The following UTS2B variants were observed in gnomAD, a reference collection of about 807,000 sequenced individuals.
UTS2B encodes urotensin-2B.
Under a neutral mutation model 19.2 loss-of-function variants are expected in UTS2B, and 21 were observed. The observed-to-expected ratio is 1.09, with a 90% CI of 0.78 to 1.58. The LOEUF (loss-of-function observed/expected upper bound fraction) is 1.58, where lower values mean the gene tolerates loss of function less well. Ranked by LOEUF, UTS2B falls within the 40% of genes most tolerant of loss-of-function variation. The pLI is 0.00. For synonymous variants in UTS2B, 57 were observed against 50.2 expected, an observed-to-expected ratio of 1.14 and a Z score of -0.58; for missense variants, 138 against 130.3, an observed-to-expected ratio of 1.06 and a Z score of -0.29.
Position 191,313,770 on chromosome 3 carries a change from G to A in UTS2B, c.-182+2266C>T, listed in dbSNP as rs565840089. 5.8e-5 allele frequency among the ~76,000 whole-genome samples: 7 copies of A among 121,212 alleles called. 1 individual carries two copies. Among genetic ancestry groups the A allele is most frequent in the East Asian group, 2.6e-4 (1 of 3,846 alleles). 79.5% of individuals were successfully genotyped at this position (121,212 alleles called of 152,430 possible). A position where few individuals can be genotyped will look rare whatever the true frequency, so the allele number is the denominator to read the frequency against. On this transcript the variant is annotated intron_variant, in intron 3 of 8. Transcript: ENST00000340524. ...TTTTGAGATGAGGTCTCACTCTGTCGCCCAGGCTAGAGTGCAGTGGCACCA... is the reference window on the plus strand; with the variant it reads ...TTTTGAGATGAGGTCTCACTCTGTCACCCAGGCTAGAGTGCAGTGGCACCA...
At chr3:191,283,411 T>C (rs924701880) in intron 4 of UTS2B, among the ~76,000 whole-genome samples, 2 of 152,194 alleles carry the variant, frequency 1.3e-5, no homozygotes, top group African/African-American at 4.8e-5. Context: ...TTTAGCCTTT[T>C]GGATCTTTTT....
intron 1 of UTS2B, 119 bp downstream of exon 1, chr3:191,330,295 A>AC: frequency 9.4e-6 from 1 of 106,294 alleles, no homozygotes; most frequent in Non-Finnish European, 1.8e-5. Context: ...CTTACAAACA[A>AC]AACACACACA....
intron 3 of UTS2B, among the ~76,000 whole-genome samples, chr3:191,305,207 T>C (rs1208001866): frequency 6.6e-6 from 1 of 152,166 alleles, no homozygotes; most frequent in Non-Finnish European, 1.5e-5. Context: ...CTGGGTCAAA[T>C]GGTATTTTGT....
At chr3:191,310,132 T>C (rs1429709908) in intron 3 of UTS2B, among the ~76,000 whole-genome samples, 1 of 152,000 alleles carries the variant, frequency 6.6e-6, no homozygotes, top group Non-Finnish European at 1.5e-5. Context: ...CTGGCTATTT[T>C]TTTTTGTATT....
chr3:191,274,950 AT>A (rs1553826211), intron 8 of UTS2B, among the ~76,000 whole-genome samples: 3 of 152,210 alleles, frequency 2.0e-5, no homozygotes, highest in Non-Finnish European at 4.4e-5. Context: ...GATTATTTCT[AT>A]TTGTGGTCTT....
chr3:191,278,437 G>A (rs186861594), intron 5 of UTS2B, among the ~76,000 whole-genome samples: 2 of 152,074 alleles, frequency 1.3e-5, no homozygotes, highest in Admixed American at 1.3e-4. Context: ...CTGAGTAGAA[G>A]AATTGGAGGT....
At chr3:191,285,656 C>G (rs1022443099) in intron 4 of UTS2B, among the ~76,000 whole-genome samples, 5 of 152,152 alleles carry the variant, frequency 3.3e-5, no homozygotes, top group African/African-American at 1.2e-4. Flanking sequence ...AATCTCAGCA[C>G]TTTGGGAGGC....
At chr3:191,293,969 G>A (rs297368) in intron 4 of UTS2B, among the ~76,000 whole-genome samples, 15,273 of 151,704 alleles carry the variant, frequency 0.1, 919 homozygotes, top group Admixed American at 0.13. Flanking sequence ...TTAGCCGGGC[G>A]TGGTGACACA....
In UTS2B at chr3:191,309,172, G is replaced by T. The variant is rs190778630; in HGVS notation, c.-181-4624C>A. 2.3e-3 allele frequency among the ~76,000 whole-genome samples: 350 copies of T among 151,278 alleles called. 1 individual carries two copies. The highest frequency in any genetic ancestry group is 0.021 in the Admixed American group (320 of 15,172). ...AGGGACTGGCTTTCTTGTTTTGTTT[G>T]TTTTTTTTTAAAACGGAGTCTCGCT... is the stretch of plus-strand genomic sequence containing the variant. On this transcript the variant is annotated intron_variant, in intron 3 of 8. Transcript: ENST00000340524.
Position 191,306,147 on chromosome 3 carries a change from C to T in UTS2B, c.-181-1599G>A, listed in dbSNP as rs79931541. Among the ~76,000 whole-genome samples, 621 of 152,192 alleles carry T rather than the reference C, an allele frequency of 4.1e-3. 4 individuals carry two copies. The highest frequency in any genetic ancestry group is 5.7e-3 in the Non-Finnish European group (386 of 68,002). On this transcript the variant is annotated intron_variant, in intron 3 of 8. Coordinates refer to ENST00000340524, the MANE Select transcript of UTS2B (RefSeq NM_198152.5). ...TTTGCTTAGGATTGCTGTGGCTATT[C>T]GGGCTCTTTTCTGCTTCCATGTGAA...
chr3:191,327,172 G>C (rs371683855), intron 2 of UTS2B, among the ~76,000 whole-genome samples: 127 of 152,226 alleles, frequency 8.3e-4, no homozygotes, highest in African/African-American at 2.9e-3. Flanking sequence ...GTAATGAAGA[G>C]ACAATTTCAG....
intron 5 of UTS2B, 39 bp downstream of exon 5, chr3:191,282,048 C>A: frequency 7.2e-7 from 1 of 1,389,932 alleles, no homozygotes; most frequent in Admixed American, 1.9e-5. Context: ...AGAAGAATTA[C>A]TTACCCACCT....
intron 2 of UTS2B, among the ~76,000 whole-genome samples, chr3:191,323,323 C>T (rs1717659763): frequency 6.6e-6 from 1 of 152,034 alleles, no homozygotes; most frequent in Admixed American, 6.5e-5. Context: ...GCATGGACAC[C>T]ATGCCCAGCT....
At chr3:191,321,664 C>A (rs1362523754) in intron 2 of UTS2B, among the ~76,000 whole-genome samples, 3 of 152,152 alleles carry the variant, frequency 2.0e-5, no homozygotes, top group Non-Finnish European at 2.9e-5. Context: ...TTTATGACTT[C>A]TTTGTATCTA....
chr3:191,343,383 ATATCTC>A, the UTS2B span, among the ~76,000 whole-genome samples: 77 of 152,370 alleles, frequency 5.1e-4, no homozygotes, highest in African/African-American at 1.8e-3. Context: ...TATTCACTGA[ATATCTC>A]AAAGAGCCAG....
At chr3:191,292,554 A>G (rs1164551502) in intron 4 of UTS2B, among the ~76,000 whole-genome samples, 1 of 152,046 alleles carries the variant, frequency 6.6e-6, no homozygotes. Context: ...TTATTTTTTC[A>G]TAGATTCCTT....
At chr3:191,343,313 G>C in the UTS2B span, among the ~76,000 whole-genome samples, 2 of 152,180 alleles carry the variant, frequency 1.3e-5, no homozygotes, top group Admixed American at 1.3e-4. Flanking sequence ...GATGGAGCTA[G>C]GGTTGGAATC....
chr3:191,310,790 CT>C (rs1717279763), intron 3 of UTS2B, among the ~76,000 whole-genome samples: 3 of 150,320 alleles, frequency 2.0e-5, no homozygotes, highest in African/African-American at 7.3e-5. Flanking sequence ...TGATCCAACT[CT>C]TTTTTACAGA....
the UTS2B span, among the ~76,000 whole-genome samples, chr3:191,337,742 G>C: frequency 6.6e-6 from 1 of 152,008 alleles, no homozygotes; most frequent in African/African-American, 2.4e-5. Flanking sequence ...AGAGTATGCC[G>C]TATGCCAGCT....
Sources: gnomAD v4.1 joint callset for allele counts (sites outside exome capture counted in the v4.1 genomes callset) on GRCh38, gnomAD v4.1.1 for gene constraint, MANE v1.5 for transcripts, NCBI Gene and HGNC (gene_info 2026-07-23, HGNC 2026-07-21) for gene names.